The following MEGF10 variants were observed in gnomAD, a reference collection of about 807,000 sequenced individuals.
MEGF10 encodes multiple epidermal growth factor-like domains protein 10.
Under a neutral mutation model 147.5 loss-of-function variants are expected in MEGF10, and 86 were observed. The ratio of observed to expected loss-of-function variants is 0.58; its 90% CI spans 0.49 to 0.70. The LOEUF (loss-of-function observed/expected upper bound fraction) is 0.70, where lower values mean the gene tolerates loss of function less well. Ranked by LOEUF, MEGF10 falls within the 30% of genes least tolerant of loss-of-function variation. The pLI is 0.00. For missense variants in MEGF10, 1,329 were observed against 1,487.3 expected, an observed-to-expected ratio of 0.89 and a Z score of 1.75; for synonymous variants, 478 against 525.5, an observed-to-expected ratio of 0.91 and a Z score of 1.24.
rs78319405 is a variant in MEGF10 at position 127,310,754 on chromosome 5, G to T, written c.-19+19698G>T. On this transcript the variant is annotated intron_variant, in intron 1 of 24. Coordinates refer to ENST00000503335, the MANE Select transcript of MEGF10 (RefSeq NM_001256545.2). ...GAGGGAAAGGCTTAGTTTGAAAATA[G>T]CCTCAATCATTTGTAGTATAGGGGC... 1.5e-3 allele frequency among the ~76,000 whole-genome samples: 233 copies of T among 152,118 alleles called. 1 individual carries two copies. The highest frequency in any genetic ancestry group is 5.2e-3 in the African/African-American group (215 of 41,498).
the MEGF10 span, among the ~76,000 whole-genome samples, chr5:127,256,324 AC>A: frequency 2.0e-5 from 3 of 152,208 alleles, no homozygotes; most frequent in African/African-American, 7.2e-5. Flanking sequence ...GTGAGTAAAA[AC>A]AACCTGTGAT....
chr5:127,310,014 CTTTTTTT>C (rs1760210971), intron 1 of MEGF10, among the ~76,000 whole-genome samples: 5 of 53,272 alleles, frequency 9.4e-5, no homozygotes, highest in African/African-American at 3.3e-4. Context: ...TCCTTCCTTT[CTTTTTTT>C]CTTTCTTTCT....
At chr5:127,403,652 G>T (rs550644525) in intron 8 of MEGF10, among the ~76,000 whole-genome samples, 4 of 152,122 alleles carry the variant, frequency 2.6e-5, no homozygotes, top group South Asian at 4.2e-4. Context: ...GAGTTCAATT[G>T]TTTTGATTTT....
chr5:127,413,366 C>T (rs989469650), intron 9 of MEGF10, among the ~76,000 whole-genome samples: 22 of 152,086 alleles, frequency 1.4e-4, no homozygotes, highest in African/African-American at 5.3e-4. Flanking sequence ...GTAATAAAGA[C>T]ATTTAATAGC....
At chr5:127,339,047 C>A in intron 2 of MEGF10, 73 bp from the exon 3 acceptor site, 1 of 893,284 alleles carries the variant, frequency 1.1e-6, no homozygotes, top group Non-Finnish European at 1.6e-6. Flanking sequence ...AGCTTACAAA[C>A]TTTTAAATAC....
the MEGF10 span, among the ~76,000 whole-genome samples, chr5:127,250,610 T>G: frequency 6.6e-6 from 1 of 152,008 alleles, no homozygotes; most frequent in Admixed American, 6.6e-5. Flanking sequence ...AAGATAAACT[T>G]GCTGCCAGAA....
chr5:127,358,670 T>A (rs1762364890), intron 4 of MEGF10, among the ~76,000 whole-genome samples: 1 of 152,174 alleles, frequency 6.6e-6, no homozygotes, highest in South Asian at 2.1e-4. Context: ...GGTACCTTCC[T>A]TCTGATTTCT....
chr5:127,445,360 A>T, intron 19 of MEGF10, 97 bp from the exon 20 acceptor site: 1 of 828,654 alleles, frequency 1.2e-6, no homozygotes, highest in Non-Finnish European at 2.0e-6. Flanking sequence ...AACTGAAAAT[A>T]TGCAGGCATT....
intron 2 of MEGF10, among the ~76,000 whole-genome samples, chr5:127,334,738 A>T (rs141073303): frequency 2.4e-4 from 37 of 152,236 alleles, no homozygotes; most frequent in African/African-American, 8.9e-4. Flanking sequence ...TTTTCCATTC[A>T]GTGGGGTTTC....
In MEGF10 at chr5:127,390,290, G is replaced by A. The variant is rs189388580; in HGVS notation, c.413-6242G>A. Among the ~76,000 whole-genome samples, 17 of 151,922 alleles carry A rather than the reference G, an allele frequency of 1.1e-4. No individual in the cohort carries two copies. The East Asian group carries it at 3.3e-3, about 29-fold the overall frequency. ...ATATTGCTAAAATTGGATTACATGG[G>A]GCATCTTTTTTTTTTTTGAGACAGA... is the stretch of plus-strand genomic sequence containing the variant. On this transcript the variant is annotated intron_variant, in intron 5 of 24. Coordinates refer to ENST00000503335, the MANE Select transcript of MEGF10 (RefSeq NM_001256545.2).
the MEGF10 span, among the ~76,000 whole-genome samples, chr5:127,263,781 G>T: frequency 6.6e-6 from 1 of 151,988 alleles, no homozygotes; most frequent in Non-Finnish European, 1.5e-5. Context: ...GATTACCAAG[G>T]TACTTAACTT....
chr5:127,273,296 T>G, the MEGF10 span, among the ~76,000 whole-genome samples: 1 of 152,114 alleles, frequency 6.6e-6, no homozygotes, highest in African/African-American at 2.4e-5. Context: ...GGGTGGGGGT[T>G]CCCTTGGCTC....
Position 127,396,742 on chromosome 5 carries a change from G to C in MEGF10, c.623G>C (p.Gly208Ala). The C allele has an allele frequency of 6.2e-7, 1 of 1,614,040 alleles. No individual in the cohort carries two copies. Among genetic ancestry groups the C allele is most frequent in the Non-Finnish European group, 8.5e-7 (1 of 1,180,010 alleles). ...GGAGCCACCTGCGACCACGTCACGG[G>C]GGAATGCCGCTGCCCACCAGGATAC... ...QNGATCDHVT[G>A]ECRCPPGYTG... Residue 208 changes from glycine to alanine, a missense_variant, in exon 6 of 25, where the codon GGG becomes GCG. By Grantham distance (60) the Gly-to-Ala change is moderately conservative. This residue lies in a region of MEGF10 where 980 missense variants were observed against 1,085.9 expected (regional missense o/e 0.90). Transcript: ENST00000503335.
intron 1 of MEGF10, among the ~76,000 whole-genome samples, chr5:127,298,335 GTGTTTT>G (rs925949310): frequency 3.1e-4 from 47 of 152,212 alleles, no homozygotes; most frequent in African/African-American, 1.1e-3. Context: ...TTCGTCTCAG[GTGTTTT>G]TCCCCCAACA....
rs117957338 is a variant in MEGF10 at position 127,360,015 on chromosome 5, G to A, written c.320-9895G>A. ...TTGAATCTATACAACTATTGGAGGA[G>A]AATCGATATCTTATTAATAGAGTCA... On this transcript the variant is annotated intron_variant, in intron 4 of 24. Coordinates refer to ENST00000503335, the MANE Select transcript of MEGF10 (RefSeq NM_001256545.2). Among the ~76,000 whole-genome samples, 139 of 152,182 alleles carry A rather than the reference G, an allele frequency of 9.1e-4. No individual in the cohort carries two copies. In the East Asian group the frequency reaches 0.01, roughly 11 times the overall value.
intron 5 of MEGF10, among the ~76,000 whole-genome samples, chr5:127,385,736 T>C (rs1227149037): frequency 1.3e-5 from 2 of 152,370 alleles, no homozygotes; most frequent in Non-Finnish European, 2.9e-5. Flanking sequence ...AGATGTATCT[T>C]AAAGTTCTTG....
At chr5:127,305,443 G>C (rs1759969822) in intron 1 of MEGF10, among the ~76,000 whole-genome samples, 1 of 152,134 alleles carries the variant, frequency 6.6e-6, no homozygotes, top group South Asian at 2.1e-4. Flanking sequence ...AGACATGTGA[G>C]GTGGTTCCTT....
intron 1 of MEGF10, among the ~76,000 whole-genome samples, chr5:127,308,872 TAATAAA>T (rs1215962289): frequency 1.3e-5 from 2 of 151,918 alleles, no homozygotes; most frequent in African/African-American, 4.8e-5. Context: ...ATTAAAAAAA[TAATAAA>T]AATAAATAAA....
the MEGF10 span, among the ~76,000 whole-genome samples, chr5:127,283,581 TA>T: frequency 6.6e-6 from 1 of 152,176 alleles, no homozygotes. Flanking sequence ...ATTTAACATT[TA>T]AATAAAACAA....
Sources: allele counts gnomAD v4.1 joint callset (sites outside exome capture counted in the v4.1 genomes callset), GRCh38; gene constraint gnomAD v4.1.1; regional missense constraint gnomAD v4.1.1; transcripts MANE v1.5; gene names NCBI Gene and HGNC (gene_info 2026-07-23, HGNC 2026-07-21).